Variants in ITFG1 observed in about 807,000 individuals in gnomAD.
The protein encoded by ITFG1 is T-cell immunomodulatory protein.
In ITFG1, 34 loss-of-function variants were observed where a neutral mutation model predicts 81.8. The ratio of observed to expected loss-of-function variants is 0.42; its 90% CI spans 0.32 to 0.55. The LOEUF is 0.55. Among genes scored for constraint, ITFG1 ranks in the 20% least tolerant of loss-of-function variants. The probability of loss-of-function intolerance (pLI) is 0.17; values close to 1 mark genes in which losing one functional copy is unlikely to be tolerated. For synonymous variants in ITFG1, 285 were observed against 270.6 expected (o/e 1.05, Z -0.52); for missense variants, 672 against 755.4 (o/e 0.89, Z 1.29).
At chr16:47,396,511 C>A (rs947497442) in intron 6 of ITFG1, among the ~76,000 whole-genome samples, 9 of 128,090 alleles carry the variant, frequency 7.0e-5, no homozygotes, top group Non-Finnish European at 1.4e-4. Flanking sequence ...AGTCTCCTAA[C>A]CTAATAATTA....
At chr16:47,378,317 G>A (rs552097962) in intron 6 of ITFG1, among the ~76,000 whole-genome samples, 1 of 152,278 alleles carries the variant, frequency 6.6e-6, no homozygotes, top group Non-Finnish European at 1.5e-5. Flanking sequence ...AGAAATCAAA[G>A]GTCTGGTGTC....
At chr16:47,318,359 A>T (rs1967397401) in intron 8 of ITFG1, among the ~76,000 whole-genome samples, 1 of 152,226 alleles carries the variant, frequency 6.6e-6, no homozygotes, top group African/African-American at 2.4e-5. Context: ...ATTACATTGT[A>T]TGAAGGTATC....
intron 14 of ITFG1, among the ~76,000 whole-genome samples, chr16:47,186,460 G>A (rs1473699793): frequency 2.6e-5 from 4 of 152,130 alleles, no homozygotes; most frequent in Admixed American, 6.5e-5. Context: ...TTCAATATAC[G>A]CAAATCAATA....
At chr16:47,367,285 G>T (rs1968189536) in intron 7 of ITFG1, among the ~76,000 whole-genome samples, 1 of 152,158 alleles carries the variant, frequency 6.6e-6, no homozygotes, top group Admixed American at 6.5e-5. Flanking sequence ...GTTCTTTTAG[G>T]TTTTTATGAT....
intron 8 of ITFG1, among the ~76,000 whole-genome samples, chr16:47,362,220 T>A (rs2151585641): frequency 6.6e-6 from 1 of 152,290 alleles, no homozygotes; most frequent in Middle Eastern, 3.4e-3. Context: ...TGCCCTGACC[T>A]GTCTCCTGAG....
intron 8 of ITFG1, among the ~76,000 whole-genome samples, chr16:47,323,925 T>C (rs1596894497): frequency 2.0e-5 from 3 of 152,222 alleles, no homozygotes; most frequent in Admixed American, 6.5e-5. Flanking sequence ...AAAATTCTTA[T>C]GATTAAACCC....
intron 13 of ITFG1, among the ~76,000 whole-genome samples, chr16:47,234,762 T>C (rs547483834): frequency 2.6e-5 from 4 of 152,312 alleles, no homozygotes; most frequent in South Asian, 2.1e-4. Flanking sequence ...TAGGGTGATA[T>C]GGTTTGGCTG....
intron 6 of ITFG1, among the ~76,000 whole-genome samples, chr16:47,388,507 T>A (rs753258350): frequency 5.3e-5 from 8 of 152,192 alleles, no homozygotes; most frequent in Non-Finnish European, 1.0e-4. Context: ...AATGGGTGAC[T>A]TCTCATCAGA....
chr16:47,190,199 T>G (rs995282178), intron 14 of ITFG1, among the ~76,000 whole-genome samples: 5 of 152,022 alleles, frequency 3.3e-5, no homozygotes, highest in Non-Finnish European at 7.4e-5. Context: ...ATAAGGGGCC[T>G]TTTTTTAGTA....
intron 15 of ITFG1, 101 bp from the exon 16 acceptor site, chr16:47,161,933 A>G: frequency 1.3e-6 from 1 of 765,366 alleles, no homozygotes; most frequent in Non-Finnish European, 2.2e-6. Context: ...TGAGAAATTC[A>G]AATTCTAGGT....
intron 10 of ITFG1, chr16:47,263,327 C>A: frequency 2.1e-6 from 1 of 470,774 alleles, no homozygotes; most frequent in Non-Finnish European, 4.3e-6. Flanking sequence ...GGAAATGGAG[C>A]AGGCCTATGA....
chr16:47,199,962 C>T (rs1965405279), intron 14 of ITFG1, among the ~76,000 whole-genome samples: 1 of 151,506 alleles, frequency 6.6e-6, no homozygotes, highest in South Asian at 2.1e-4. Flanking sequence ...GAATCTTATG[C>T]CGCCACTGAT....
At chr16:47,433,244 G>T (rs1369800200) in intron 5 of ITFG1, among the ~76,000 whole-genome samples, 3 of 152,222 alleles carry the variant, frequency 2.0e-5, no homozygotes, top group African/African-American at 7.2e-5. Flanking sequence ...CAGCCAAATT[G>T]AGCATAAAGA....
At chr16:47,384,113 C>A (rs1055145656) in intron 6 of ITFG1, among the ~76,000 whole-genome samples, 9 of 152,128 alleles carry the variant, frequency 5.9e-5, no homozygotes, top group Admixed American at 2.6e-4. Context: ...CATTTAAAAT[C>A]AAATTCAACT....
chr16:47,293,024 C>T (rs556582489), intron 10 of ITFG1, among the ~76,000 whole-genome samples: 2 of 149,058 alleles, frequency 1.3e-5, no homozygotes, highest in East Asian at 3.9e-4. Flanking sequence ...CATGCTCTCT[C>T]TCTATATATA....
intron 5 of ITFG1, among the ~76,000 whole-genome samples, chr16:47,438,359 T>C (rs1022894890): frequency 6.6e-6 from 1 of 152,186 alleles, no homozygotes; most frequent in Non-Finnish European, 1.5e-5. Context: ...GGCATGCAGC[T>C]TGAGATCTGA....
At chr16:47,211,039 G>A (rs1350230273) in intron 14 of ITFG1, among the ~76,000 whole-genome samples, 5 of 152,178 alleles carry the variant, frequency 3.3e-5, no homozygotes. Flanking sequence ...ATTTTCTAAT[G>A]AAATTGTCTA....
At chr16:47,362,300 C>T (rs904404572) in intron 8 of ITFG1, among the ~76,000 whole-genome samples, 1 of 152,156 alleles carries the variant, frequency 6.6e-6, no homozygotes, top group Admixed American at 6.5e-5. Flanking sequence ...ACATCAAAAT[C>T]TCAGGCACCT....
rs184752629 is a variant in ITFG1, at chr16:47,428,835, T to C, written c.624A>G (p.Ala208=). The C allele has an allele frequency of 4.2e-5, 68 of 1,610,856 alleles. No individual in the cohort carries two copies. In the Middle Eastern group the frequency reaches 8.3e-4, roughly 20 times the overall value. The change falls in exon 6 of 18, where the codon GCA becomes GCG. Residue 208 remains alanine (A), a synonymous_variant. Coordinates refer to ENST00000320640, the MANE Select transcript of ITFG1 (RefSeq NM_030790.5). The part of the protein sequence containing the change: ...TSKMRIPHSH[A]FIDLTEDFTA... ...TAAAATCTTCAGTCAGATCAATAAATGCATGAGAATGTGGAATTCGCATTT... is the reference window on the plus strand; with the variant it reads ...TAAAATCTTCAGTCAGATCAATAAACGCATGAGAATGTGGAATTCGCATTT...
Sources: gnomAD v4.1 joint callset for allele counts (sites outside exome capture counted in the v4.1 genomes callset) on GRCh38, gnomAD v4.1.1 for gene constraint, MANE v1.5 for transcripts, NCBI Gene and HGNC (gene_info 2026-07-23, HGNC 2026-07-21) for gene names.